Variants in FSTL5 observed in about 807,000 individuals in gnomAD.
FSTL5 encodes follistatin like 5.
FSTL5 carries 62 observed loss-of-function variants against 89.1 expected under a neutral mutation model. The ratio of observed to expected loss-of-function variants is 0.70; its 90% CI spans 0.57 to 0.86. FSTL5 has a LOEUF of 0.86. FSTL5 is among the 40% of genes least tolerant of loss of function. The probability of loss-of-function intolerance (pLI) is 0.00; values close to 1 mark genes in which losing one functional copy is unlikely to be tolerated. For synonymous variants in FSTL5, 383 were observed against 346.2 expected (o/e 1.11, Z -1.18); for missense variants, 1,057 against 1,001.6 (o/e 1.06, Z -0.75).
chr4:161,987,161 C>T (rs192447742), intron 3 of FSTL5, among the ~76,000 whole-genome samples: 1 of 152,208 alleles, frequency 6.6e-6, no homozygotes, highest in African/African-American at 2.4e-5. Context: ...AATCCACTTA[C>T]TTTCATGGGG....
At chr4:161,657,785 A>AAC (rs961871046) in intron 6 of FSTL5, among the ~76,000 whole-genome samples, 3 of 152,170 alleles carry the variant, frequency 2.0e-5, no homozygotes, top group Non-Finnish European at 2.9e-5. Flanking sequence ...CATATAATTC[A>AAC]ACACACACAC....
At chr4:161,449,762 T>C (rs564009234) in intron 15 of FSTL5, among the ~76,000 whole-genome samples, 2 of 152,314 alleles carry the variant, frequency 1.3e-5, no homozygotes, top group Non-Finnish European at 2.9e-5. Context: ...TGGCACTTGT[T>C]TTAAATTGTA....
chr4:161,469,640 ATTTTTT>A (rs34810071), intron 13 of FSTL5, among the ~76,000 whole-genome samples: 1 of 136,046 alleles, frequency 7.4e-6, no homozygotes, highest in Non-Finnish European at 1.6e-5. Flanking sequence ...TTATTTATCT[ATTTTTT>A]TTTTTTTTTG....
intron 6 of FSTL5, among the ~76,000 whole-genome samples, chr4:161,668,705 G>A (rs924025081): frequency 7.9e-5 from 12 of 152,126 alleles, no homozygotes; most frequent in Non-Finnish European, 1.8e-4. Context: ...GCAAGAATGA[G>A]TCAACATTTA....
At chr4:161,606,240 A>ATTTTTTTTTTTTTTTTTTTTTTTTTT (rs71598720) in intron 7 of FSTL5, among the ~76,000 whole-genome samples, 1 of 117,868 alleles carries the variant, frequency 8.5e-6, no homozygotes, top group Non-Finnish European at 1.7e-5. Context: ...ATTATCTGTG[A>ATTTTTTTTTTTTTTTTTTTTTTTTTT]TTTTTTTTTT....
rs1732141204 is a variant in FSTL5 at position 161,549,914 on chromosome 4, CTATTGAA to C, written c.1016-7228_1016-7222del. On this transcript the variant is annotated intron_variant, in intron 8 of 15. Transcript: ENST00000306100. ...CCATTGTATATACAAATTTCACTGA[CTATTGAA>C]TAAGTGTCAATCCTCCAGACTTACT... 2.6e-5 allele frequency among the ~76,000 whole-genome samples: 4 copies of C among 151,998 alleles called. No homozygotes were observed. In the South Asian group the frequency reaches 8.3e-4, roughly 31 times the overall value.
chr4:161,681,178 A>T (rs1737505830), intron 6 of FSTL5, among the ~76,000 whole-genome samples: 1 of 152,120 alleles, frequency 6.6e-6, no homozygotes, highest in Admixed American at 6.6e-5. Context: ...CTTATAAAAC[A>T]GAAATTATTA....
In FSTL5 at chr4:162,125,030, T is replaced by G. The variant is rs531631720; in HGVS notation, c.-16-13618A>C. On this transcript the variant is annotated intron_variant, in intron 1 of 15. Coordinates refer to ENST00000306100, the MANE Select transcript of FSTL5 (RefSeq NM_020116.5). ...CACTACTTTTCTTTAAAAAGCAAGCTGTAAGTTTGATTCAGCCCACTGATT... is the reference window on the plus strand; with the variant it reads ...CACTACTTTTCTTTAAAAAGCAAGCGGTAAGTTTGATTCAGCCCACTGATT... Among the ~76,000 whole-genome samples the G allele has an allele frequency of 6.6e-5, 10 of 152,294 alleles. No homozygotes were observed. The South Asian group carries it at 2.1e-3, about 32-fold the overall frequency.
intron 4 of FSTL5, among the ~76,000 whole-genome samples, chr4:161,886,927 C>A (rs111530689): frequency 7.2e-4 from 110 of 152,196 alleles, no homozygotes; most frequent in African/African-American, 2.6e-3. Flanking sequence ...TGATTGTAAA[C>A]CTTGATTATA....
At chr4:161,439,636 C>T (rs1185865325) in intron 15 of FSTL5, among the ~76,000 whole-genome samples, 2 of 151,988 alleles carry the variant, frequency 1.3e-5, no homozygotes, top group South Asian at 2.1e-4. Context: ...AAGTATCTGA[C>T]CATTGATAGG....
At chr4:161,439,973 G>A (rs1732703688) in intron 15 of FSTL5, among the ~76,000 whole-genome samples, 5 of 152,108 alleles carry the variant, frequency 3.3e-5, no homozygotes, top group African/African-American at 1.2e-4. Context: ...GTAAGTAATT[G>A]AGAATAGAGT....
chr4:161,559,324 C>T (rs970405440), intron 8 of FSTL5, among the ~76,000 whole-genome samples: 1 of 151,446 alleles, frequency 6.6e-6, no homozygotes, highest in Non-Finnish European at 1.5e-5. Context: ...CTTCTATTTC[C>T]TTCCATCCTC....
intron 15 of FSTL5, among the ~76,000 whole-genome samples, chr4:161,437,561 G>A (rs1414587752): frequency 4.4e-4 from 5 of 11,256 alleles, no homozygotes; most frequent in Admixed American, 1.8e-3. Context: ...GTGAGACTCC[G>A]TCTCAAAAAA....
intron 13 of FSTL5, among the ~76,000 whole-genome samples, chr4:161,470,362 A>G (rs1733894403): frequency 2.0e-5 from 3 of 151,128 alleles, no homozygotes; most frequent in African/African-American, 7.3e-5. Context: ...CCATTGCCCC[A>G]CTGAATGGTC....
chr4:161,931,349 C>G (rs1459884696), intron 3 of FSTL5, among the ~76,000 whole-genome samples: 1 of 151,522 alleles, frequency 6.6e-6, no homozygotes, highest in African/African-American at 2.4e-5. Flanking sequence ...GTGAGTCAAA[C>G]AAGAACAGCT....
At chr4:161,916,633 G>A (rs577119612) in intron 4 of FSTL5, among the ~76,000 whole-genome samples, 3 of 152,158 alleles carry the variant, frequency 2.0e-5, no homozygotes, top group East Asian at 3.9e-4. Flanking sequence ...TCAAATAAAT[G>A]TGAATAGGAA....
chr4:161,501,453 T>C (rs1188241279), intron 11 of FSTL5, among the ~76,000 whole-genome samples: 5 of 152,064 alleles, frequency 3.3e-5, no homozygotes, highest in African/African-American at 7.2e-5. Flanking sequence ...GAGAAAAATG[T>C]ATATAAACTA....
intron 1 of FSTL5, among the ~76,000 whole-genome samples, chr4:162,150,291 C>G (rs12512991): frequency 6.6e-6 from 1 of 151,952 alleles, no homozygotes; most frequent in South Asian, 2.1e-4. Flanking sequence ...ATCATTGGAG[C>G]CTTTTGAGCC....
At chr4:161,761,905 T>C (rs1384125984) in intron 5 of FSTL5, among the ~76,000 whole-genome samples, 2 of 152,244 alleles carry the variant, frequency 1.3e-5, no homozygotes, top group Non-Finnish European at 2.9e-5. Context: ...AATACCCCAC[T>C]TAAAACATGA....
Sources: gnomAD v4.1 joint callset for allele counts (sites outside exome capture counted in the v4.1 genomes callset) on GRCh38, gnomAD v4.1.1 for gene constraint, MANE v1.5 for transcripts, NCBI Gene and HGNC (gene_info 2026-07-23, HGNC 2026-07-21) for gene names.